Variants in NLRC5 observed in about 807,000 individuals in gnomAD.
NLRC5 encodes protein NLRC5.
Under a neutral mutation model 206.9 loss-of-function variants are expected in NLRC5, and 114 were observed. That is an observed-to-expected ratio of 0.55 (90% CI 0.47 to 0.64). The LOEUF is 0.64. Ranked by LOEUF, NLRC5 falls within the 30% of genes least tolerant of loss-of-function variation. The probability of loss-of-function intolerance (pLI) is 0.00; values close to 1 mark genes in which losing one functional copy is unlikely to be tolerated. For synonymous variants in NLRC5, 952 were observed against 962.8 expected (o/e 0.99, Z 0.21); for missense variants, 2,008 against 2,305.5 (o/e 0.87, Z 2.64).
intron 1 of NLRC5, among the ~76,000 whole-genome samples, chr16:56,992,678 T>C (rs568382339): frequency 6.6e-6 from 1 of 152,088 alleles, no homozygotes; most frequent in South Asian, 2.1e-4. Context: ...GATTTCACCA[T>C]GTTGGCCAGG....
At chr16:57,042,106 G>A (rs919377) in intron 19 of NLRC5, 41 bp downstream of exon 19, 65 of 1,320,788 alleles carry the variant, frequency 4.9e-5, no homozygotes, top group East Asian at 1.1e-4. Flanking sequence ...GCTGGGGCAG[G>A]GGGGGAGCAT....
At chr16:57,048,460 A>G (rs1376257799) in intron 23 of NLRC5, 3 of 151,950 alleles carry the variant, frequency 2.0e-5, no homozygotes, top group African/African-American at 7.3e-5. Flanking sequence ...ATCCGGTTTG[A>G]CCCCCTGGAG....
At chr16:57,023,733 T>A (rs2060935088) in intron 4 of NLRC5, 52 bp from the exon 5 acceptor site, 1 of 1,514,010 alleles carries the variant, frequency 6.6e-7, no homozygotes, top group African/African-American at 1.4e-5. Context: ...GGGTAACCCC[T>A]CAGCCCAGAT....
At chr16:57,074,269 C>T (rs925172345) in intron 38 of NLRC5, 50 of 208,532 alleles carry the variant, frequency 2.4e-4, no homozygotes, top group Middle Eastern at 2.0e-3. Flanking sequence ...AAAATGGGGA[C>T]GATAATAAAC....
intron 9 of NLRC5, 22 bp from the exon 10 acceptor site, chr16:57,029,973 C>CA: frequency 6.2e-7 from 1 of 1,613,758 alleles, no homozygotes; most frequent in Non-Finnish European, 8.5e-7. Flanking sequence ...CCACTCCTGA[C>CA]ACCTTTGCCA....
At position 57,039,859 on chromosome 16, in the gene NLRC5, G is replaced by A. The variant is rs373141714; in HGVS notation, c.2870+10G>A. The A allele has an allele frequency of 9.9e-6, 16 of 1,610,210 alleles. No homozygotes were observed. The highest frequency in any genetic ancestry group is 4.5e-5 in the East Asian group (2 of 44,876). On this transcript the variant is annotated intron_variant, in intron 16 of 48. Transcript: ENST00000688547. ...AGGGGCCCCAGGAGAGGTAGGGCCC[G>A]ATTTCACCCCAACTCCATGCTCAGT...
At chr16:57,017,253 C>T (rs1316754200) in intron 2 of NLRC5, 65 bp downstream of exon 2, 1 of 152,672 alleles carries the variant, frequency 6.5e-6, no homozygotes, top group East Asian at 1.9e-4. Context: ...TCACTTTTCT[C>T]CTACTGCCAA....
At position 57,042,045 on chromosome 16, in the gene NLRC5, G is replaced by A; in HGVS notation, c.3093G>A (p.Leu1031=). The change falls in exon 19 of 49, where the codon CTG becomes CTA. Residue 1031 remains leucine (L), a synonymous_variant. Coordinates refer to ENST00000688547, the MANE Select transcript of NLRC5 (RefSeq NM_001384950.1). The part of the protein sequence containing the change: ...AARLAQLLPG[L]GALQSLNLSE... ...GGCTGGCTCAGCTGCTCCCAGGGCTGGGAGCTCTGCAGTCCTTGAAGTGAG... is the reference window on the plus strand; with the variant it reads ...GGCTGGCTCAGCTGCTCCCAGGGCTAGGAGCTCTGCAGTCCTTGAAGTGAG... 4 of 1,569,358 alleles carry A rather than the reference G, an allele frequency of 2.5e-6. No individual in the cohort carries two copies. The highest frequency in any genetic ancestry group is 8.6e-7 in the Non-Finnish European group (1 of 1,161,648).
intron 16 of NLRC5, among the ~76,000 whole-genome samples, 193 bp downstream of exon 16, chr16:57,040,042 T>C (rs2063089778): frequency 6.6e-6 from 1 of 152,166 alleles, no homozygotes; most frequent in Non-Finnish European, 1.5e-5. Flanking sequence ...CACCTCCGCC[T>C]CTCATGGTGC....
At chr16:57,013,288 TA>T in intron 1 of NLRC5, 1 of 612,500 alleles carries the variant, frequency 1.6e-6, no homozygotes, top group Non-Finnish European at 3.1e-6. Context: ...TAGTGATCAC[TA>T]ATATGTCATT....
chr16:57,078,981 C>G (rs1597466379), intron 43 of NLRC5, 69 bp from the exon 44 acceptor site: 1 of 1,404,204 alleles, frequency 7.1e-7, no homozygotes, highest in Non-Finnish European at 1.0e-6. Context: ...CAGCCTGAGA[C>G]AAGGCTGAGG....
At position 57,025,746 on chromosome 16, in the gene NLRC5, C is replaced by T. The variant is rs199937881; in HGVS notation, c.803C>T (p.Thr268Met). Residue 268 changes from threonine (T) to methionine (M), a missense_variant, in exon 6 of 49, where the codon ACG becomes ATG. Thr to Met is a moderately conservative substitution (Grantham distance 81). Coordinates refer to ENST00000688547, the MANE Select transcript of NLRC5 (RefSeq NM_001384950.1). Reference protein sequence around the residue: ...LFEFRQLNLITRFLTPSELLF... With the variant: ...LFEFRQLNLIMRFLTPSELLF... The stretch of plus-strand genomic sequence containing the variant: ...GAATTCCGCCAGCTCAACTTGATCA[C>T]GAGGTTCCTGACACCGTCCGAGCTC... 10 of 1,614,222 alleles carry T rather than the reference C, an allele frequency of 6.2e-6. No individual in the cohort carries two copies. The highest frequency in any genetic ancestry group is 4.5e-5 in the East Asian group (2 of 44,884).
In NLRC5 at chr16:57,076,689, C is replaced by T. The variant is rs1597458363; in HGVS notation, c.4752-130C>T. ...ACCACTCCCCACCTGCCATGACCCC[C>T]AGAAGTTTTGCTACCAGCATATGAA... On this transcript the variant is annotated intron_variant, in intron 39 of 48. Coordinates refer to ENST00000688547, the MANE Select transcript of NLRC5 (RefSeq NM_001384950.1). The T allele has an allele frequency of 5.7e-5, 45 of 795,566 alleles. No homozygotes were observed. In the East Asian group the frequency reaches 1.2e-3, roughly 21 times the overall value. The allele number at this position is 795,566 out of a possible 1,614,324, so 49.3% of individuals were successfully genotyped here. A position where few individuals can be genotyped will look rare whatever the true frequency, so the allele number is the denominator to read the frequency against.
At chr16:57,073,878 G>A (rs1266533477) in intron 38 of NLRC5, among the ~76,000 whole-genome samples, 1 of 152,268 alleles carries the variant, frequency 6.6e-6, no homozygotes, top group Non-Finnish European at 1.5e-5. Context: ...ACAGGCATGA[G>A]CCATTGCGCC....
intron 30 of NLRC5, 110 bp downstream of exon 30, chr16:57,059,642 A>G: frequency 9.8e-7 from 1 of 1,024,004 alleles, no homozygotes; most frequent in Non-Finnish European, 1.4e-6. Context: ...TTTAGAGAGC[A>G]GCTTCAAGCT....
rs1162347389 is a variant in NLRC5, at chr16:57,082,692, C to A, written c.*164C>A. 6 of 573,282 alleles carry A rather than the reference C, an allele frequency of 1.0e-5. No individual in the cohort carries two copies. The South Asian group carries it at 1.2e-4, about 11-fold the overall frequency. 35.5% of individuals were successfully genotyped at this position (573,282 alleles called of 1,614,324 possible). A position where few individuals can be genotyped will look rare whatever the true frequency, so the allele number is the denominator to read the frequency against. On this transcript the variant is annotated 3_prime_UTR_variant, in exon 49 of 49. Coordinates refer to ENST00000688547, the MANE Select transcript of NLRC5 (RefSeq NM_001384950.1). Reference sequence around the variant, plus strand: ...GTCCTGCTGCAGTCCTCAGGGAGAACTTTTTTGGGAACCAGGAGCTGGGTC... The same window carrying A: ...GTCCTGCTGCAGTCCTCAGGGAGAAATTTTTTGGGAACCAGGAGCTGGGTC...
At position 57,067,753 on chromosome 16, in the gene NLRC5, T is replaced by A; in HGVS notation, c.4424T>A (p.Leu1475His). ...CTTTTCAGCTTGTCTCAGGTTAACC[T>A]CTGTGAGGACGATGATGCCAGTTCC... ...LQQLSLSQVN[L>H]CEDDDASSLL... The change falls in exon 36 of 49, where the codon CTC (leucine) becomes CAC (histidine). Residue 1475 changes from leucine (L) to histidine (H), a missense_variant. Leu to His is a moderately conservative substitution (Grantham distance 99). Coordinates refer to ENST00000688547, the MANE Select transcript of NLRC5 (RefSeq NM_001384950.1). 1 of 1,614,170 alleles carries A rather than the reference T, an allele frequency of 6.2e-7. No homozygotes were observed. The highest frequency in any genetic ancestry group is 8.5e-7 in the Non-Finnish European group (1 of 1,179,992).
At chr16:57,066,307 TA>T (rs762177649) in intron 33 of NLRC5, among the ~76,000 whole-genome samples, 3,137 of 138,322 alleles carry the variant, frequency 0.023, 69 homozygotes, top group African/African-American at 0.063. Flanking sequence ...CCTGTCTCTT[TA>T]AAAAAAAAAA....
At chr16:57,041,021 C>A (rs1467693778) in intron 17 of NLRC5, among the ~76,000 whole-genome samples, 1 of 152,162 alleles carries the variant, frequency 6.6e-6, no homozygotes, top group Non-Finnish European at 1.5e-5. Flanking sequence ...TGAAGGGGAG[C>A]ACTGGGCTCC....
Sources: gnomAD v4.1 joint callset for allele counts (sites outside exome capture counted in the v4.1 genomes callset) on GRCh38, gnomAD v4.1.1 for gene constraint, MANE v1.5 for transcripts, NCBI Gene and HGNC (gene_info 2026-07-23, HGNC 2026-07-21) for gene names.